The following SLC9C2 variants were observed in gnomAD, a reference collection of about 807,000 sequenced individuals.
SLC9C2 encodes the protein solute carrier family 9 member C2 (putative), also known as sodium/hydrogen exchanger 11.
A neutral mutation model predicts 140.2 loss-of-function variants in SLC9C2; 75 were observed. That is an observed-to-expected ratio of 0.53 (90% CI 0.44 to 0.65). The LOEUF is 0.65. SLC9C2 is among the 30% of genes least tolerant of loss of function. SLC9C2 has a pLI of 0.00. For synonymous variants in SLC9C2, 375 were observed against 420.9 expected, an observed-to-expected ratio of 0.89 and a Z score of 1.34; for missense variants, 1,074 against 1,331.8, an observed-to-expected ratio of 0.81 and a Z score of 3.01.
intron 11 of SLC9C2, among the ~76,000 whole-genome samples, chr1:173,549,461 A>C (rs895296982): frequency 6.6e-6 from 1 of 152,246 alleles, no homozygotes; most frequent in Non-Finnish European, 1.5e-5. Flanking sequence ...CATTTGCCCA[A>C]TTAGATCCCA....
intron 3 of SLC9C2, among the ~76,000 whole-genome samples, chr1:173,599,738 G>C (rs1025271790): frequency 2.0e-5 from 3 of 151,950 alleles, no homozygotes; most frequent in Non-Finnish European, 4.4e-5. Flanking sequence ...TAAGTCACTA[G>C]GATTACAGGC....
chr1:173,529,324 C>T (rs111858536), intron 18 of SLC9C2, among the ~76,000 whole-genome samples: 1 of 152,064 alleles, frequency 6.6e-6, no homozygotes, highest in Non-Finnish European at 1.5e-5. Flanking sequence ...CACTCTTTTG[C>T]GAGTGACTGG....
chr1:173,501,179 A>ACTTATGTAG (rs1659240574), intron 27 of SLC9C2, 82 bp from the exon 28 acceptor site: 2 of 1,359,604 alleles, frequency 1.5e-6, no homozygotes, highest in Non-Finnish European at 9.8e-7. Context: ...GAACCAGAAA[A>ACTTATGTAG]CTTATGTAGG....
At chr1:173,546,864 T>C in intron 13 of SLC9C2, among the ~76,000 whole-genome samples, 1 of 152,160 alleles carries the variant, frequency 6.6e-6, no homozygotes, top group African/African-American at 2.4e-5. Context: ...TTTTTAAAAA[T>C]ACTTTAAAAT....
At chr1:173,526,479 G>GT (rs1349500819) in intron 19 of SLC9C2, among the ~76,000 whole-genome samples, 184 bp downstream of exon 19, 1 of 152,160 alleles carries the variant, frequency 6.6e-6, no homozygotes, top group African/African-American at 2.4e-5. Context: ...ATTCTGCACT[G>GT]TTTAAGGGTC....
intron 11 of SLC9C2, among the ~76,000 whole-genome samples, chr1:173,553,860 C>A (rs1663486583): frequency 6.6e-6 from 1 of 152,136 alleles, no homozygotes; most frequent in South Asian, 2.1e-4. Context: ...AATACCCAGA[C>A]AAAATCGGGT....
Position 173,583,503 on chromosome 1 carries a change from T to C in SLC9C2, c.640+3A>G. On this transcript the variant is annotated splice_donor_region_variant and intron_variant, in intron 6 of 27. Transcript: ENST00000367714. ...AAAATATACAGACAAAAAATGCTCC[T>C]ACCTCTAAAAATAGAAAAGTGGATT... 3 of 1,523,178 alleles carry C rather than the reference T, an allele frequency of 2.0e-6. No homozygotes were observed. Among genetic ancestry groups the C allele is most frequent in the Non-Finnish European group, 2.7e-6 (3 of 1,107,890 alleles). The allele number at this position is 1,523,178 out of a possible 1,614,324, so 94.4% of individuals were successfully genotyped here. A position where few individuals can be genotyped will look rare whatever the true frequency, so the allele number is the denominator to read the frequency against.
chr1:173,542,107 G>A (rs770716199), intron 13 of SLC9C2, among the ~76,000 whole-genome samples: 11 of 152,010 alleles, frequency 7.2e-5, no homozygotes, highest in East Asian at 1.9e-4. Context: ...TTGATAGACC[G>A]CTAGCAAGAC....
intron 4 of SLC9C2, among the ~76,000 whole-genome samples, chr1:173,590,252 A>T (rs1469225515): frequency 6.6e-6 from 1 of 151,996 alleles, no homozygotes; most frequent in African/African-American, 2.4e-5. Flanking sequence ...CAAAAAAAAA[A>T]AAAAAAGAAA....
At chr1:173,594,831 G>C (rs12081366) in intron 4 of SLC9C2, among the ~76,000 whole-genome samples, 24,103 of 152,150 alleles carry the variant, frequency 0.16, 6,357 homozygotes, top group African/African-American at 0.55. Flanking sequence ...TAGGAATATA[G>C]AAATTTTGAC....
intron 13 of SLC9C2, among the ~76,000 whole-genome samples, chr1:173,546,354 A>T (rs1464470461): frequency 4.6e-5 from 7 of 152,176 alleles, no homozygotes; most frequent in African/African-American, 1.7e-4. Context: ...CCAACGTGCC[A>T]AAACCTCATC....
chr1:173,553,743 T>C (rs1663478036), intron 11 of SLC9C2, among the ~76,000 whole-genome samples: 1 of 152,226 alleles, frequency 6.6e-6, no homozygotes, highest in South Asian at 2.1e-4. Context: ...CTTGCTTTAT[T>C]GTGATATTTA....
At chr1:173,521,467 T>A in intron 21 of SLC9C2, 68 bp from the exon 22 acceptor site, 1 of 426,384 alleles carries the variant, frequency 2.3e-6, no homozygotes, top group Non-Finnish European at 3.6e-6. Flanking sequence ...TCTACTTTTC[T>A]AAATATTTTC....
intron 5 of SLC9C2, among the ~76,000 whole-genome samples, chr1:173,585,636 C>T (rs1665807264): frequency 6.6e-6 from 1 of 152,020 alleles, no homozygotes; most frequent in Non-Finnish European, 1.5e-5. Context: ...AAATTAAGAG[C>T]CAACCCAATA....
chr1:173,588,979 G>A (rs1453365048), intron 4 of SLC9C2, among the ~76,000 whole-genome samples: 2 of 152,172 alleles, frequency 1.3e-5, no homozygotes, highest in Non-Finnish European at 2.9e-5. Context: ...TCAGGAAACT[G>A]AGGTGGGAGG....
At chr1:173,563,091 C>G (rs1211977006) in intron 9 of SLC9C2, among the ~76,000 whole-genome samples, 14 of 151,556 alleles carry the variant, frequency 9.2e-5, no homozygotes, top group Admixed American at 4.6e-4. Context: ...CCACGGGGGG[C>G]CAGGATGAAG....
At chr1:173,520,131 G>A (rs1660707065) in intron 22 of SLC9C2, among the ~76,000 whole-genome samples, 1 of 152,170 alleles carries the variant, frequency 6.6e-6, no homozygotes. Flanking sequence ...CTGAGTGACA[G>A]AGACTGTCGC....
chr1:173,544,260 CTCA>C (rs1402478632), intron 13 of SLC9C2, among the ~76,000 whole-genome samples: 2 of 152,198 alleles, frequency 1.3e-5, no homozygotes, highest in African/African-American at 2.4e-5. Context: ...TGAAAAAATG[CTCA>C]TCATCATTGG....
chr1:173,525,451 C>T (rs570135391), intron 19 of SLC9C2, among the ~76,000 whole-genome samples: 2 of 152,266 alleles, frequency 1.3e-5, no homozygotes, highest in Non-Finnish European at 2.9e-5. Context: ...CTTGCCATAT[C>T]GAAGGTACAC....
Sources: gnomAD v4.1 joint callset for allele counts (sites outside exome capture counted in the v4.1 genomes callset) on GRCh38, gnomAD v4.1.1 for gene constraint, MANE v1.5 for transcripts, NCBI Gene and HGNC (gene_info 2026-07-23, HGNC 2026-07-21) for gene names.